The following TRAPPC10 variants were observed in gnomAD, a reference collection of about 807,000 sequenced individuals.
The protein encoded by TRAPPC10 is trafficking protein particle complex subunit 10.
A neutral mutation model predicts 125.5 loss-of-function variants in TRAPPC10; 23 were observed. The ratio of observed to expected loss-of-function variants is 0.18; its 90% CI spans 0.13 to 0.26. The LOEUF (loss-of-function observed/expected upper bound fraction) is 0.26, where lower values mean the gene tolerates loss of function less well. Among genes scored for constraint, TRAPPC10 ranks in the 10% least tolerant of loss-of-function variants. TRAPPC10 has a pLI of 1.00. For synonymous variants in TRAPPC10, 509 were observed against 518.0 expected, an observed-to-expected ratio of 0.98 and a Z score of 0.24; for missense variants, 1,123 against 1,308.4, an observed-to-expected ratio of 0.86 and a Z score of 2.19.
At chr21:44,085,289 G>A (rs2038048894) in intron 15 of TRAPPC10, among the ~76,000 whole-genome samples, 1 of 151,952 alleles carries the variant, frequency 6.6e-6, no homozygotes, top group Admixed American at 6.6e-5. Context: ...CTGGAAATGG[G>A]GTTGAAAACT....
chr21:44,094,606 A>G (rs1569228371), intron 20 of TRAPPC10, among the ~76,000 whole-genome samples: 1 of 152,154 alleles, frequency 6.6e-6, no homozygotes, highest in Non-Finnish European at 1.5e-5. Context: ...GCATATCTCT[A>G]GTTTTTCAAA....
At chr21:44,034,730 A>G (rs2033861237) in intron 2 of TRAPPC10, among the ~76,000 whole-genome samples, 1 of 152,222 alleles carries the variant, frequency 6.6e-6, no homozygotes, top group Admixed American at 6.5e-5. Context: ...ATCCTCTTCA[A>G]TTAGGGTAGA....
Position 44,059,071 on chromosome 21 carries a change from GT to G in TRAPPC10, c.679-25del. ...CTTCTATACATTGATTTATGTTTTT[GT>G]TTTTTTAAAAAACGTATCTTGGGCG... On this transcript the variant is annotated intron_variant, in intron 5 of 22. Transcript: ENST00000291574. The surrounding 1 kb of genome is among the most constrained non-coding windows in gnomAD (Gnocchi z 4.4). 6.5e-7 allele frequency: 1 copy of G among 1,531,206 alleles called. No individual in the cohort carries two copies. The highest frequency in any genetic ancestry group is 8.8e-7 in the Non-Finnish European group (1 of 1,131,660). The allele number at this position is 1,531,206 out of a possible 1,614,324, so 94.9% of individuals were successfully genotyped here.
chr21:44,067,949 G>C (rs997835364), intron 7 of TRAPPC10, among the ~76,000 whole-genome samples: 2 of 152,046 alleles, frequency 1.3e-5, no homozygotes, highest in African/African-American at 4.8e-5. Context: ...GTGAAACCCT[G>C]TCTCTACTAA....
At chr21:44,073,440 G>A (rs144922947) in intron 7 of TRAPPC10, among the ~76,000 whole-genome samples, 43 of 152,330 alleles carry the variant, frequency 2.8e-4, no homozygotes, top group African/African-American at 9.6e-4. Flanking sequence ...TTGATTAAGA[G>A]AAACATTCCT....
chr21:44,060,946 A>ACG (rs1394848659), intron 6 of TRAPPC10, among the ~76,000 whole-genome samples: 2 of 144,562 alleles, frequency 1.4e-5, no homozygotes, highest in African/African-American at 5.1e-5. Context: ...ACACACACAC[A>ACG]CTTTTTTTTT....
chr21:44,091,764 C>T (rs540923935), intron 18 of TRAPPC10, 159 bp from the exon 19 acceptor site: 12 of 697,020 alleles, frequency 1.7e-5, no homozygotes, highest in African/African-American at 3.6e-5. Flanking sequence ...TGGCACTTTT[C>T]GGTGTGAAAT....
intron 17 of TRAPPC10, 134 bp downstream of exon 17, chr21:44,088,062 C>A: frequency 2.6e-6 from 2 of 763,098 alleles, no homozygotes; most frequent in Non-Finnish European, 4.3e-6. Flanking sequence ...ATGTGTTTAG[C>A]AGTTCTGTCT....
chr21:44,031,879 G>A (rs540801240), intron 1 of TRAPPC10, among the ~76,000 whole-genome samples: 1 of 152,316 alleles, frequency 6.6e-6, no homozygotes, highest in Admixed American at 6.5e-5. Context: ...CCCACCCCAT[G>A]GAGGTGTCAC....
At chr21:44,091,896 A>G in intron 18 of TRAPPC10, 27 bp from the exon 19 acceptor site, 5 of 1,609,130 alleles carry the variant, frequency 3.1e-6, no homozygotes, top group Non-Finnish European at 3.4e-6. Flanking sequence ...ACATATCAAA[A>G]TAATACTTTT....
chr21:44,092,853 A>G (rs985506734), intron 19 of TRAPPC10, among the ~76,000 whole-genome samples: 1 of 152,138 alleles, frequency 6.6e-6, no homozygotes, highest in Non-Finnish European at 1.5e-5. Flanking sequence ...CTGGAATGCA[A>G]TCGTGTGATC....
chr21:44,079,691 G>A lies in TRAPPC10; in HGVS notation c.1597G>A (p.Gly533Arg), dbSNP rs200658810. The change falls in exon 12 of 23, where the codon GGA becomes AGA. Residue 533 changes from glycine to arginine, a missense_variant. Physicochemically the swap from Gly to Arg is moderately radical, Grantham distance 125 (BLOSUM62 -2). This residue lies in a region of TRAPPC10 where 840 missense variants were observed against 902.0 expected (regional missense o/e 0.93). Transcript: ENST00000291574. The stretch of plus-strand genomic sequence containing the variant: ...GCTGGCCGAATGTCAAAAGCACCTT[G>A]GACAAATTGAAAAGTATCCTTTAAT... ...KQLAECQKHL[G>R]QIENYLQTSS... The A allele has an allele frequency of 1.0e-5, 16 of 1,605,000 alleles. No individual in the cohort carries two copies. The highest frequency in any genetic ancestry group is 1.4e-5 in the Non-Finnish European group (16 of 1,177,806).
intron 1 of TRAPPC10, among the ~76,000 whole-genome samples, chr21:44,026,315 T>A (rs1319897060): frequency 6.6e-6 from 1 of 152,192 alleles, no homozygotes; most frequent in Non-Finnish European, 1.5e-5. Flanking sequence ...GTTTTCACCA[T>A]GAAAGAGCTC....
At chr21:44,079,768 C>T in intron 12 of TRAPPC10, 64 bp downstream of exon 12, 1 of 1,525,016 alleles carries the variant, frequency 6.6e-7, no homozygotes, top group Non-Finnish European at 8.9e-7. Context: ...ACATTGCCCA[C>T]AATCAATGTT....
chr21:44,040,202 C>G (rs2034310482), intron 3 of TRAPPC10, among the ~76,000 whole-genome samples: 2 of 152,284 alleles, frequency 1.3e-5, no homozygotes, highest in South Asian at 4.1e-4. Context: ...TGTGATCAAA[C>G]TAAGTTTATA....
At chr21:44,093,163 TATTA>T (rs1391098144) in intron 19 of TRAPPC10, among the ~76,000 whole-genome samples, 1 of 152,336 alleles carries the variant, frequency 6.6e-6, no homozygotes, top group Non-Finnish European at 1.5e-5. Context: ...ATATGCTATA[TATTA>T]ATTAATATCC....
intron 3 of TRAPPC10, among the ~76,000 whole-genome samples, chr21:44,045,778 G>A (rs577884572): frequency 2.0e-5 from 3 of 151,920 alleles, no homozygotes; most frequent in South Asian, 4.2e-4. Context: ...GGCTAGTCTC[G>A]AGCTCCCGAC....
chr21:44,052,798 G>GT (rs956678127), intron 4 of TRAPPC10, among the ~76,000 whole-genome samples: 94 of 148,020 alleles, frequency 6.4e-4, no homozygotes, highest in African/African-American at 8.4e-4. Flanking sequence ...AAAGGTTTTT[G>GT]TTTTTTTTTT....
chr21:44,063,408 G>A lies in TRAPPC10; in HGVS notation c.791-130G>A, dbSNP rs1001396857. The A allele has an allele frequency of 2.9e-6, 4 of 1,358,370 alleles. No individual in the cohort carries two copies. The highest frequency in any genetic ancestry group is 1.4e-5 in the African/African-American group (1 of 69,112). 84.1% of individuals were successfully genotyped at this position (1,358,370 alleles called of 1,614,324 possible). A position where few individuals can be genotyped will look rare whatever the true frequency, so the allele number is the denominator to read the frequency against. On this transcript the variant is annotated intron_variant, in intron 6 of 22. Transcript: ENST00000291574. This position sits in a 1 kb window ranked among gnomAD's most constrained non-coding sequence, Gnocchi z 4.4. Reference sequence around the variant, plus strand: ...GCCGAATGCATCACTAGACCACAGGGGGTGGGCCAGTGTTCATAGAAAAAC... The same window carrying A: ...GCCGAATGCATCACTAGACCACAGGAGGTGGGCCAGTGTTCATAGAAAAAC...
Sources: allele counts gnomAD v4.1 joint callset (sites outside exome capture counted in the v4.1 genomes callset), GRCh38; gene constraint gnomAD v4.1.1; regional missense constraint gnomAD v4.1.1; non-coding constraint Gnocchi (gnomAD v3.1); transcripts MANE v1.5; gene names NCBI Gene and HGNC (gene_info 2026-07-23, HGNC 2026-07-21).